The following MED27 variants were observed in gnomAD, a reference collection of about 807,000 sequenced individuals.
The protein encoded by MED27 is mediator complex subunit 27, also known as mediator of RNA polymerase II transcription subunit 27.
MED27 carries 30 observed loss-of-function variants against 38.2 expected under a neutral mutation model. The ratio of observed to expected loss-of-function variants is 0.79; its 90% CI spans 0.59 to 1.07. The LOEUF (loss-of-function observed/expected upper bound fraction) is 1.07, where lower values mean the gene tolerates loss of function less well. MED27 is among the 50% of genes least tolerant of loss of function. The pLI is 0.00. For missense variants in MED27, 289 were observed against 397.5 expected, an observed-to-expected ratio of 0.73 and a Z score of 2.32; for synonymous variants, 122 against 153.5, an observed-to-expected ratio of 0.79 and a Z score of 1.52.
At chr9:132,055,887 G>A (rs916783602) in intron 2 of MED27, among the ~76,000 whole-genome samples, 1 of 152,288 alleles carries the variant, frequency 6.6e-6, no homozygotes, top group East Asian at 1.9e-4. Flanking sequence ...GTACTTCAGG[G>A]GATTTAATTC....
At chr9:131,930,499 G>A (rs575794731) in intron 4 of MED27, among the ~76,000 whole-genome samples, 3 of 152,012 alleles carry the variant, frequency 2.0e-5, no homozygotes, top group Non-Finnish European at 4.4e-5. Flanking sequence ...TTTTACCCTA[G>A]AATAGTATAT....
In MED27 at chr9:131,982,172, A is replaced by T. The variant is rs1404695059; in HGVS notation, c.479+32165T>A. On this transcript the variant is annotated intron_variant, in intron 3 of 7. Transcript: ENST00000292035. The surrounding 1 kb of genome is among the most constrained non-coding windows in gnomAD (Gnocchi z 4.3). ...AGTCTTGTGACTTGCTTTAAACAAT[A>T]AAACATGGCAGAATTGACATGGTGT... Among the ~76,000 whole-genome samples, 3 of 152,214 alleles carry T rather than the reference A, an allele frequency of 2.0e-5. No homozygotes were observed. Among genetic ancestry groups the T allele is most frequent in the Admixed American group, 2.0e-4 (3 of 15,290 alleles).
intron 4 of MED27, among the ~76,000 whole-genome samples, chr9:131,933,388 C>A (rs1041714227): frequency 2.6e-5 from 4 of 152,036 alleles, no homozygotes; most frequent in Non-Finnish European, 4.4e-5. Flanking sequence ...ACCATTAGAA[C>A]TGAGAAACAA....
At chr9:131,939,113 T>A (rs1399881344) in intron 4 of MED27, among the ~76,000 whole-genome samples, 2 of 152,094 alleles carry the variant, frequency 1.3e-5, no homozygotes, top group East Asian at 3.8e-4. Context: ...CATTGGGAGG[T>A]TGCATTAAGT....
chr9:131,927,932 G>A (rs527352154), intron 4 of MED27, among the ~76,000 whole-genome samples: 16 of 152,274 alleles, frequency 1.1e-4, no homozygotes, highest in African/African-American at 3.6e-4. Flanking sequence ...TGGTGAAGGA[G>A]GAAGCCAAAA....
chr9:132,015,268 C>T (rs1832577246), intron 2 of MED27, among the ~76,000 whole-genome samples: 1 of 152,286 alleles, frequency 6.6e-6, no homozygotes, highest in East Asian at 1.9e-4. Context: ...ATTTCAAGTC[C>T]ATGGACATGC....
intron 3 of MED27, among the ~76,000 whole-genome samples, chr9:131,961,867 T>C (rs566237892): frequency 1.4e-3 from 218 of 152,306 alleles, no homozygotes; most frequent in African/African-American, 5.2e-3. Flanking sequence ...CTCCATGAAG[T>C]GAAAGGCACT....
chr9:132,072,096 G>A (rs1679083699), intron 2 of MED27, among the ~76,000 whole-genome samples: 1 of 152,188 alleles, frequency 6.6e-6, no homozygotes, highest in African/African-American at 2.4e-5. Flanking sequence ...ACATGCATAT[G>A]AGTAACACGC....
chr9:131,912,926 A>G (rs1407611692), intron 4 of MED27, among the ~76,000 whole-genome samples: 2 of 152,230 alleles, frequency 1.3e-5, no homozygotes. Flanking sequence ...CAAGATGTAA[A>G]AGTTAAGATG....
chr9:132,004,518 C>T (rs971312891), intron 3 of MED27, among the ~76,000 whole-genome samples: 8 of 152,180 alleles, frequency 5.3e-5, no homozygotes, highest in Admixed American at 3.3e-4. Context: ...TCACAAGCCC[C>T]GGGGGCCTGC....
intron 2 of MED27, among the ~76,000 whole-genome samples, chr9:132,052,496 A>C (rs1198797545): frequency 6.6e-6 from 1 of 152,248 alleles, no homozygotes; most frequent in Non-Finnish European, 1.5e-5. Flanking sequence ...AGCAAAGCCC[A>C]GCCAAACACA....
intron 6 of MED27, among the ~76,000 whole-genome samples, chr9:131,873,318 C>T (rs959828433): frequency 1.1e-4 from 16 of 152,194 alleles, no homozygotes; most frequent in African/African-American, 3.9e-4. Context: ...GTACTCATTC[C>T]ATGAAAAGAG....
chr9:132,060,193 A>G (rs955178217), intron 2 of MED27, among the ~76,000 whole-genome samples: 3 of 152,206 alleles, frequency 2.0e-5, no homozygotes, highest in Non-Finnish European at 2.9e-5. Context: ...CCCCATGCGT[A>G]GAGATTAATG....
intron 2 of MED27, among the ~76,000 whole-genome samples, chr9:132,041,244 G>A (rs1275996476): frequency 1.3e-5 from 2 of 152,236 alleles, no homozygotes; most frequent in East Asian, 3.8e-4. Flanking sequence ...ATGGCAGTGA[G>A]GGTCCAAAGT....
intron 4 of MED27, among the ~76,000 whole-genome samples, chr9:131,931,976 T>C (rs914961536): frequency 2.0e-5 from 3 of 152,130 alleles, no homozygotes; most frequent in Non-Finnish European, 2.9e-5. Context: ...AGACGTAACC[T>C]GGACTACAGA....
intron 2 of MED27, among the ~76,000 whole-genome samples, chr9:132,025,097 C>T (rs1207427950): frequency 1.3e-5 from 2 of 151,040 alleles, no homozygotes; most frequent in Admixed American, 1.3e-4. Flanking sequence ...GGCTTTTCCC[C>T]TTGGAAGGAA....
chr9:132,015,959 T>C (rs753828576), intron 2 of MED27, among the ~76,000 whole-genome samples: 2 of 152,238 alleles, frequency 1.3e-5, no homozygotes, highest in Non-Finnish European at 2.9e-5. Flanking sequence ...CAAACATTTA[T>C]TTAGAATTAT....
chr9:131,963,427 C>T (rs957198836), intron 3 of MED27, among the ~76,000 whole-genome samples: 1 of 151,742 alleles, frequency 6.6e-6, no homozygotes, highest in African/African-American at 2.4e-5. Context: ...TTTAAAGCCC[C>T]CAGAAGCAGC....
At chr9:131,907,508 G>C (rs556935783) in intron 4 of MED27, among the ~76,000 whole-genome samples, 1 of 152,184 alleles carries the variant, frequency 6.6e-6, no homozygotes, top group Non-Finnish European at 1.5e-5. Context: ...ACGTAGCCTC[G>C]TTCACTCAGT....
Sources: gnomAD v4.1 joint callset for allele counts (sites outside exome capture counted in the v4.1 genomes callset) on GRCh38, gnomAD v4.1.1 for gene constraint, Gnocchi (gnomAD v3.1) non-coding constraint, MANE v1.5 for transcripts, NCBI Gene and HGNC (gene_info 2026-07-23, HGNC 2026-07-21) for gene names.